RTN4: variants seen among roughly 807,000 people sequenced by gnomAD.
RTN4 encodes reticulon 4.
RTN4 carries 32 observed loss-of-function variants against 90.4 expected under a neutral mutation model. That is an observed-to-expected ratio of 0.35 (90% CI 0.27 to 0.48). RTN4 has a LOEUF of 0.48. RTN4 is among the 20% of genes least tolerant of loss of function. The pLI is 0.99. For synonymous variants in RTN4, 629 were observed against 552.5 expected (o/e 1.14, Z -1.94); for missense variants, 1,706 against 1,430.2 (o/e 1.19, Z -3.11).
chr2:54,984,063 G>T (rs1228396148), intron 4 of RTN4, among the ~76,000 whole-genome samples: 1 of 152,054 alleles, frequency 6.6e-6, no homozygotes, highest in African/African-American at 2.4e-5. Context: ...TTAATCATAT[G>T]GTTTTCCCAA....
At chr2:55,058,449 C>G (rs1445257067) in intron 2 of RTN4, among the ~76,000 whole-genome samples, 1 of 152,184 alleles carries the variant, frequency 6.6e-6, no homozygotes, top group Non-Finnish European at 1.5e-5. Flanking sequence ...CATTTTTTTA[C>G]CCATACGAAA....
At chr2:54,993,543 C>T (rs1176968539) in intron 3 of RTN4, among the ~76,000 whole-genome samples, 1 of 152,214 alleles carries the variant, frequency 6.6e-6, no homozygotes, top group Non-Finnish European at 1.5e-5. Flanking sequence ...TAACCTACCA[C>T]TTCCTTTCCT....
At chr2:55,044,807 A>AAAAAAAC (rs1683310731) in intron 1 of RTN4, among the ~76,000 whole-genome samples, 1 of 150,542 alleles carries the variant, frequency 6.6e-6, no homozygotes, top group Non-Finnish European at 1.5e-5. Context: ...AAAAAAAAAA[A>AAAAAAAC]AAAGACCACA....
intron 2 of RTN4, 68 bp downstream of exon 2, chr2:55,028,096 A>T (rs1467542001): frequency 3.0e-6 from 4 of 1,352,590 alleles, no homozygotes; most frequent in Non-Finnish European, 3.1e-6. Context: ...TACTCTGCAT[A>T]GTGTTAACAC....
chr2:55,121,000 G>A, the RTN4 span, among the ~76,000 whole-genome samples: 7 of 152,092 alleles, frequency 4.6e-5, no homozygotes, highest in Non-Finnish European at 1.0e-4. Context: ...TTCCCATGGG[G>A]CCACAGAACC....
At chr2:55,094,353 A>C (rs941539470) in intron 1 of RTN4, among the ~76,000 whole-genome samples, 5 of 152,202 alleles carry the variant, frequency 3.3e-5, no homozygotes, top group Non-Finnish European at 5.9e-5. Flanking sequence ...TGTTGAAGTC[A>C]CCCAGGCTGT....
chr2:54,992,751 A>T (rs993988927), intron 3 of RTN4, among the ~76,000 whole-genome samples: 2 of 152,034 alleles, frequency 1.3e-5, no homozygotes, highest in African/African-American at 4.8e-5. Context: ...TTACAAAAAG[A>T]CTCACAGTAT....
intron 4 of RTN4, among the ~76,000 whole-genome samples, chr2:54,985,314 C>G (rs1008517752): frequency 1.4e-4 from 22 of 151,860 alleles, no homozygotes; most frequent in African/African-American, 4.4e-4. Flanking sequence ...CATGCATCAC[C>G]ACACCTGGCT....
chr2:55,043,894 A>C (rs1683238105), intron 1 of RTN4, among the ~76,000 whole-genome samples: 1 of 151,848 alleles, frequency 6.6e-6, no homozygotes, highest in South Asian at 2.1e-4. Flanking sequence ...TCAAAAATAA[A>C]ATAAAATAAA....
rs933083377 is a variant in RTN4, at chr2:54,982,770, G to A, written c.3222-117C>T. 4 of 1,154,740 alleles carry A rather than the reference G, an allele frequency of 3.5e-6. No individual in the cohort carries two copies. In the African/African-American group the frequency reaches 6.4e-5, roughly 18 times the overall value. 71.5% of individuals were successfully genotyped at this position (1,154,740 alleles called of 1,614,324 possible). ...AAATATTCTACTATAAAAGCCAACTGTTTCCAAATTAGGGGCAATATAAAA... is the reference window on the plus strand; with the variant it reads ...AAATATTCTACTATAAAAGCCAACTATTTCCAAATTAGGGGCAATATAAAA... On this transcript the variant is annotated intron_variant, in intron 4 of 8. Coordinates refer to ENST00000337526, the MANE Select transcript of RTN4 (RefSeq NM_020532.5).
intron 3 of RTN4, among the ~76,000 whole-genome samples, chr2:55,002,411 G>C (rs1188995353): frequency 6.6e-6 from 1 of 152,106 alleles, no homozygotes; most frequent in African/African-American, 2.4e-5. Context: ...ATATGTTGCA[G>C]GAACATAAAA....
intron 5 of RTN4, among the ~76,000 whole-genome samples, chr2:54,981,637 A>T (rs575344690): frequency 6.6e-6 from 1 of 152,370 alleles, no homozygotes; most frequent in Admixed American, 6.5e-5. Flanking sequence ...TTCGTCAGTC[A>T]GAACTTTGGG....
chr2:55,025,524 A>T lies in RTN4; in HGVS notation c.2575T>A (p.Phe859Ile). 1.2e-6 allele frequency: 2 copies of T among 1,613,696 alleles called. No homozygotes were observed. Among genetic ancestry groups the T allele is most frequent in the Non-Finnish European group, 1.7e-6 (2 of 1,179,766 alleles). ...KEAQIRETET[F>I]SDSSPIEIID... ...ATTTCAATTGGAGATGAATCTGAAA[A>T]CGTTTCAGTTTCTCTTATCTGTGCT... The change falls in exon 3 of 9, where the codon TTT becomes ATT. Residue 859 changes from phenylalanine to isoleucine, a missense_variant. Transcript: ENST00000337526.
At chr2:55,001,725 G>A (rs12713284) in intron 3 of RTN4, among the ~76,000 whole-genome samples, 101,131 of 152,042 alleles carry the variant, frequency 0.67, 34,666 homozygotes, top group African/African-American at 0.85. Flanking sequence ...ACTTCAAAAC[G>A]GAGCCTCTCA....
At chr2:54,997,716 C>A (rs979650444) in intron 3 of RTN4, among the ~76,000 whole-genome samples, 2 of 152,162 alleles carry the variant, frequency 1.3e-5, no homozygotes, top group African/African-American at 4.8e-5. Context: ...CCTGCATTTT[C>A]CCTTTCCCTG....
At chr2:55,016,211 T>C (rs1216224310) in intron 3 of RTN4, among the ~76,000 whole-genome samples, 2 of 152,198 alleles carry the variant, frequency 1.3e-5, no homozygotes, top group Non-Finnish European at 2.9e-5. Flanking sequence ...TATAAGACAT[T>C]ACTAAAGTTT....
At chr2:55,055,417 A>G (rs769758129), upstream of RTN4, among the ~76,000 whole-genome samples, 65 of 152,266 alleles carry the variant, frequency 4.3e-4, no homozygotes, top group Non-Finnish European at 6.3e-4. Flanking sequence ...TTCAATGGAG[A>G]TAGATAGAAA....
rs987553562 is a variant in RTN4 at position 55,095,290 on chromosome 2, C to T, written c.-213-14651G>A. ...AGTGAGCCGAGATCGTGCCACTGCA[C>T]TCTAGTCTGGGCGACAGAGTGAGAT... On this transcript the variant is annotated intron_variant, in intron 1 of 3. Coordinates refer to the RTN4 transcript ENST00000427710. Among the ~76,000 whole-genome samples the T allele has an allele frequency of 2.0e-5, 3 of 151,812 alleles. No individual in the cohort carries two copies. In the East Asian group the frequency reaches 5.8e-4, roughly 29 times the overall value.
rs763172993 is a variant in RTN4 at position 55,025,119 on chromosome 2, C to A, written c.2980G>T (p.Ala994Ser). Residue 994 changes from alanine to serine, a missense_variant, in exon 3 of 9, where the codon GCT (alanine) becomes TCT (serine). Ala to Ser is a moderately conservative substitution (Grantham distance 99). Coordinates refer to ENST00000337526, the MANE Select transcript of RTN4 (RefSeq NM_020532.5). ...TTACTCAGCTCTGCTGAAAATATAGCAGATGGTGATCTGTCCTCTTTTTCT... is the reference window on the plus strand; with the variant it reads ...TTACTCAGCTCTGCTGAAAATATAGAAGATGGTGATCTGTCCTCTTTTTCT... Reference protein sequence around the residue: ...DTEKEDRSPSAIFSAELSKTS... With the variant: ...DTEKEDRSPSSIFSAELSKTS... The A allele has an allele frequency of 2.5e-6, 4 of 1,611,672 alleles. No individual in the cohort carries two copies. The Admixed American group carries it at 6.7e-5, about 27-fold the overall frequency.
Sources: allele counts gnomAD v4.1 joint callset (sites outside exome capture counted in the v4.1 genomes callset), GRCh38; gene constraint gnomAD v4.1.1; transcripts MANE v1.5; gene names NCBI Gene and HGNC (gene_info 2026-07-23, HGNC 2026-07-21).